Variants in SEMA6B observed in about 807,000 individuals in gnomAD.
The protein encoded by SEMA6B is semaphorin-6B.
Under a neutral mutation model 78.6 loss-of-function variants are expected in SEMA6B, and 47 were observed. The observed-to-expected ratio is 0.60, with a 90% CI of 0.47 to 0.76. The LOEUF (loss-of-function observed/expected upper bound fraction) is 0.76, where lower values mean the gene tolerates loss of function less well. SEMA6B is among the 30% of genes least tolerant of loss of function. The pLI is 0.00. For synonymous variants in SEMA6B, 632 were observed against 592.2 expected (o/e 1.07, Z -0.98); for missense variants, 1,213 against 1,269.9 (o/e 0.96, Z 0.68).
Position 4,543,539 on chromosome 19 carries a change from G to T in SEMA6B, c.*62C>A. On this transcript the variant is annotated 3_prime_UTR_variant, in exon 17 of 17. Coordinates refer to ENST00000586582, the MANE Select transcript of SEMA6B (RefSeq NM_032108.4). ...AGTTGCCCCGGGCCCCGGCGTTCTG[G>T]CACCGTCTCTCGCTCCTGGTTCCCG... is the stretch of plus-strand genomic sequence containing the variant. The T allele has an allele frequency of 1.1e-6, 1 of 930,736 alleles. No homozygotes were observed. The highest frequency in any genetic ancestry group is 5.4e-5 in the South Asian group (1 of 18,628). 57.7% of individuals were successfully genotyped at this position (930,736 alleles called of 1,614,324 possible). A position where few individuals can be genotyped will look rare whatever the true frequency, so the allele number is the denominator to read the frequency against.
At position 4,550,114 on chromosome 19, in the gene SEMA6B, A is replaced by G. The variant is rs1977282359; in HGVS notation, c.1271+9T>C. 6.2e-7 allele frequency: 1 copy of G among 1,613,054 alleles called. No individual in the cohort carries two copies. The highest frequency in any genetic ancestry group is 1.3e-5 in the African/African-American group (1 of 74,856). ...TCCCCTCGCCATGCCCTGCCTCTCC[A>G]GGACCGACCTCATCAGGGTCCGCAG... is the stretch of plus-strand genomic sequence containing the variant. On this transcript the variant is annotated intron_variant, in intron 12 of 16. Transcript: ENST00000586582. This position sits in a 1 kb window ranked among gnomAD's most constrained non-coding sequence, Gnocchi z 6.6.
intron 9 of SEMA6B, among the ~76,000 whole-genome samples, chr19:4,553,577 T>C (rs1046693754): frequency 1.4e-4 from 20 of 145,430 alleles, no homozygotes; most frequent in African/African-American, 4.9e-4. Flanking sequence ...GATGGATGGA[T>C]AGATGAGATG....
intron 10 of SEMA6B, among the ~76,000 whole-genome samples, chr19:4,551,842 AC>A (rs1977342689): frequency 6.6e-6 from 1 of 150,880 alleles, no homozygotes; most frequent in African/African-American, 2.4e-5. Flanking sequence ...AAAAAACCAA[AC>A]CAAACAAACA....
Position 4,549,307 on chromosome 19 carries a change from T to TTG in SEMA6B, c.1271+815_1271+816insCA, listed in dbSNP as rs201499067. 2.2e-3 allele frequency among the ~76,000 whole-genome samples: 301 copies of TTG among 139,922 alleles called. 9 individuals are homozygous for TTG. The East Asian group carries it at 0.043, about 20-fold the overall frequency. The allele number at this position is 139,922 out of a possible 152,430, so 91.8% of individuals were successfully genotyped here. On this transcript the variant is annotated intron_variant, in intron 12 of 16. Coordinates refer to ENST00000586582, the MANE Select transcript of SEMA6B (RefSeq NM_032108.4). ...TGTCTGTCTGTCTACCTCTTTTTTT[T>TTG]TTTTTTTTTTTTTGAGGTGTAGTCT...
intron 14 of SEMA6B, among the ~76,000 whole-genome samples, chr19:4,547,172 T>C (rs1977191922): frequency 6.6e-6 from 1 of 151,836 alleles, no homozygotes; most frequent in South Asian, 2.1e-4. Context: ...CACTATGCTG[T>C]GTTGCCCAGG....
In SEMA6B at chr19:4,552,874, G is replaced by A. The variant is rs1037640820; in HGVS notation, c.772-235C>T. Among the ~76,000 whole-genome samples the A allele has an allele frequency of 6.6e-6, 1 of 152,196 alleles. No individual in the cohort carries two copies. The highest frequency in any genetic ancestry group is 6.5e-5 in the Admixed American group (1 of 15,272). On this transcript the variant is annotated intron_variant, in intron 9 of 16. Transcript: ENST00000586582. The surrounding 1 kb of genome is among the most constrained non-coding windows in gnomAD (Gnocchi z 7.4). ...CAACCATAATCATCACTGTTTCCAC[G>A]AAGACCCACATTTTATTCTCACATC...
chr19:4,554,427 G>A lies in SEMA6B; in HGVS notation c.732C>T (p.Phe244=). The part of the protein sequence containing the change: ...AVEWGSHVYF[F]FREIAMEFNY... ...TAAACTCCATCGCAATCTCCCGGAA[G>A]AAGAAGTAGACATGGCTGCCCCACT... is the stretch of plus-strand genomic sequence containing the variant. The change falls in exon 9 of 17, where the codon TTC becomes TTT. Residue 244 remains phenylalanine, a synonymous_variant. Coordinates refer to ENST00000586582, the MANE Select transcript of SEMA6B (RefSeq NM_032108.4). The A allele has an allele frequency of 6.2e-7, 1 of 1,614,012 alleles. No individual in the cohort carries two copies. The highest frequency in any genetic ancestry group is 1.1e-5 in the South Asian group (1 of 91,084).
Position 4,555,007 on chromosome 19 carries a change from G to A in SEMA6B, c.651C>T (p.Arg217=). 1 of 1,614,064 alleles carries A rather than the reference G, an allele frequency of 6.2e-7. No individual in the cohort carries two copies. The highest frequency in any genetic ancestry group is 8.5e-7 in the Non-Finnish European group (1 of 1,180,008). ...ACCACTTGGAGTCATGTTTCACGGT[G>A]CGCAGGGTGGGCCTGTCCCCGAGGC... ...YRSLGDRPTL[R]TVKHDSKWFK... is the part of the protein sequence containing the mutation. The change falls in exon 8 of 17, where the codon CGC becomes CGT. Residue 217 remains arginine (R), a synonymous_variant. Transcript: ENST00000586582. This position sits in a 1 kb window ranked among gnomAD's most constrained non-coding sequence, Gnocchi z 6.1.
At position 4,553,810 on chromosome 19, in the gene SEMA6B, T is replaced by G. The variant is rs529068705; in HGVS notation, c.771+578A>C. 3.4e-3 allele frequency among the ~76,000 whole-genome samples: 464 copies of G among 137,974 alleles called. 1 individual carries two copies. Among genetic ancestry groups the G allele is most frequent in the Non-Finnish European group, 6.0e-3 (382 of 63,618 alleles). 90.5% of individuals were successfully genotyped at this position (137,974 alleles called of 152,430 possible). A position where few individuals can be genotyped will look rare whatever the true frequency, so the allele number is the denominator to read the frequency against. ...TGGATGGGATGGATGGATGGATGAA[T>G]GGATGGGTGAATGGATTGGCAGATG... On this transcript the variant is annotated intron_variant, in intron 9 of 16. Transcript: ENST00000586582.
In SEMA6B at chr19:4,555,384, G is replaced by T; in HGVS notation, c.562+90C>A. 8.5e-7 allele frequency: 1 copy of T among 1,172,066 alleles called. No individual in the cohort carries two copies. Among genetic ancestry groups the T allele is most frequent in the Non-Finnish European group, 1.2e-6 (1 of 817,134 alleles). The allele number at this position is 1,172,066 out of a possible 1,614,324, so 72.6% of individuals were successfully genotyped here. ...AGCTGGGACAAGTGGTCGTCCAGCT[G>T]CCTTCTAAACAACCCAGACGCTGGA... On this transcript the variant is annotated intron_variant, in intron 7 of 16. Transcript: ENST00000586582. This position sits in a 1 kb window ranked among gnomAD's most constrained non-coding sequence, Gnocchi z 6.1.
At chr19:4,546,598 GA>G in intron 14 of SEMA6B, 129 bp from the exon 15 acceptor site, 1 of 376,204 alleles carries the variant, frequency 2.7e-6, no homozygotes, top group Non-Finnish European at 4.5e-6. Context: ...ATTAATTTTT[GA>G]GACGGAATTT....
chr19:4,552,620 G>T lies in SEMA6B; in HGVS notation c.791C>A (p.Ala264Asp). Residue 264 changes from alanine to aspartate, a missense_variant, in exon 10 of 17, where the codon GCC becomes GAC. Physicochemically the swap from Ala to Asp is moderately radical, Grantham distance 126 (BLOSUM62 -2). Transcript: ENST00000586582. This position sits in a 1 kb window ranked among gnomAD's most constrained non-coding sequence, Gnocchi z 7.4. ...TCCCACGTCGTTCTTGCACACTCGG[G>T]CCACGCGGGACACCACCACCTGGGC... is the stretch of plus-strand genomic sequence containing the variant. ...YLEKVVVSRVARVCKNDVGGS... is the reference protein window; with the variant it reads ...YLEKVVVSRVDRVCKNDVGGS... The T allele has an allele frequency of 6.2e-7, 1 of 1,609,130 alleles. No homozygotes were observed. The highest frequency in any genetic ancestry group is 8.5e-7 in the Non-Finnish European group (1 of 1,177,426).
Position 4,558,542 on chromosome 19 carries a change from A to T in SEMA6B, c.-32-53T>A. 8.5e-7 allele frequency: 1 copy of T among 1,180,008 alleles called. No homozygotes were observed. The allele number at this position is 1,180,008 out of a possible 1,614,324, so 73.1% of individuals were successfully genotyped here. On this transcript the variant is annotated intron_variant, in intron 1 of 16. Transcript: ENST00000586582. This position sits in a 1 kb window ranked among gnomAD's most constrained non-coding sequence, Gnocchi z 5.1. ...GGCCTGCAGTCCCGCTCGTGGCCACAAGACGGCGGGCGAGAGCAGCAGACG... is the reference window on the plus strand; with the variant it reads ...GGCCTGCAGTCCCGCTCGTGGCCACTAGACGGCGGGCGAGAGCAGCAGACG...
At chr19:4,553,647 G>T (rs7507991) in intron 9 of SEMA6B, among the ~76,000 whole-genome samples, 63,364 of 145,348 alleles carry the variant, frequency 0.44, 13,824 homozygotes, top group East Asian at 0.57. Context: ...TGGGTGGGTG[G>T]ATAGGTAGAT....
In SEMA6B at chr19:4,543,692, C is replaced by A. The variant is rs752247729; in HGVS notation, c.2576G>T (p.Arg859Leu). ...CGGCCGGGCGTGGCAGCCGCGGTGG[C>A]GGTCCCCAGGCCGGGCCTCGCCGCT... ...FNSGEARPGD[R>L]HRGCHARPGT... The change falls in exon 17 of 17, where the codon CGC (arginine) becomes CTC (leucine). Residue 859 changes from arginine (R) to leucine (L), a missense_variant. Physicochemically the swap from Arg to Leu is moderately radical, Grantham distance 102. Coordinates refer to ENST00000586582, the MANE Select transcript of SEMA6B (RefSeq NM_032108.4). The A allele has an allele frequency of 3.3e-6, 4 of 1,230,068 alleles. No individual in the cohort carries two copies. Among genetic ancestry groups the A allele is most frequent in the Admixed American group, 8.5e-5 (2 of 23,626 alleles). The allele number at this position is 1,230,068 out of a possible 1,614,324, so 76.2% of individuals were successfully genotyped here. A position where few individuals can be genotyped will look rare whatever the true frequency, so the allele number is the denominator to read the frequency against.
chr19:4,546,580 T>TAA, intron 14 of SEMA6B, 111 bp from the exon 15 acceptor site: 1 of 443,996 alleles, frequency 2.3e-6, no homozygotes, highest in Non-Finnish European at 3.9e-6. Context: ...TTATTTTTAT[T>TAA]TTAATTAATT....
rs185936351 is a variant in SEMA6B, at chr19:4,559,338, C to T, written c.-33+192G>A. ...CCAGCCTTTTCATTCTCCGCTTGCACACCTCCATGACAGGCACCTCACTAC... is the reference window on the plus strand; with the variant it reads ...CCAGCCTTTTCATTCTCCGCTTGCATACCTCCATGACAGGCACCTCACTAC... On this transcript the variant is annotated intron_variant, in intron 1 of 16. Coordinates refer to ENST00000586582, the MANE Select transcript of SEMA6B (RefSeq NM_032108.4). Among the ~76,000 whole-genome samples, 331 of 152,286 alleles carry T rather than the reference C, an allele frequency of 2.2e-3. 2 individuals carry two copies. Among genetic ancestry groups the T allele is most frequent in the African/African-American group, 7.5e-3 (312 of 41,568 alleles).
In SEMA6B at chr19:4,549,579, T is replaced by C. The variant is rs536398506; in HGVS notation, c.1271+544A>G. Among the ~76,000 whole-genome samples the C allele has an allele frequency of 7.5e-4, 114 of 151,726 alleles. No individual in the cohort carries two copies. The South Asian group carries it at 0.016, about 22-fold the overall frequency. On this transcript the variant is annotated intron_variant, in intron 12 of 16. Coordinates refer to ENST00000586582, the MANE Select transcript of SEMA6B (RefSeq NM_032108.4). The stretch of plus-strand genomic sequence containing the variant: ...CTGCAAGCTCCGCCTCCCGGGTTCA[T>C]GCCATTCTCCTGCCTCAGCCTCCTG...
chr19:4,549,299 CTTTTTTTTTTT>C (rs55771429), intron 12 of SEMA6B, among the ~76,000 whole-genome samples: 1 of 98,594 alleles, frequency 1.0e-5, no homozygotes, highest in Admixed American at 1.3e-4. Flanking sequence ...CTGTCTACCT[CTTTTTTTTTTT>C]TTTTTTTTTT....
Sources: gnomAD v4.1 joint callset for allele counts (sites outside exome capture counted in the v4.1 genomes callset) on GRCh38, gnomAD v4.1.1 for gene constraint, Gnocchi (gnomAD v3.1) non-coding constraint, MANE v1.5 for transcripts, NCBI Gene and HGNC (gene_info 2026-07-23, HGNC 2026-07-21) for gene names.